Variants in ATRNL1 observed in about 807,000 individuals in gnomAD.
The protein encoded by ATRNL1 is attractin like 1.
ATRNL1 carries 95 observed loss-of-function variants against 182.7 expected under a neutral mutation model. That is an observed-to-expected ratio of 0.52 (90% CI 0.44 to 0.62). ATRNL1 has a LOEUF of 0.62. Among genes scored for constraint, ATRNL1 ranks in the 20% least tolerant of loss-of-function variants. ATRNL1 has a pLI of 0.00. For synonymous variants in ATRNL1, 576 were observed against 568.3 expected (o/e 1.01, Z -0.19); for missense variants, 1,471 against 1,679.5 (o/e 0.88, Z 2.17).
At chr10:115,133,894 C>G (rs1845382232) in intron 5 of ATRNL1, among the ~76,000 whole-genome samples, 1 of 152,234 alleles carries the variant, frequency 6.6e-6, no homozygotes, top group Middle Eastern at 3.4e-3. Flanking sequence ...TTAAGAAACT[C>G]ACTCAAAACT....
intron 1 of ATRNL1, among the ~76,000 whole-genome samples, chr10:115,113,691 C>T (rs898186482): frequency 6.6e-5 from 10 of 152,150 alleles, no homozygotes; most frequent in Middle Eastern, 3.2e-3. Flanking sequence ...TCCCCAGCCA[C>T]GTGGAACTGT....
chr10:115,920,498 T>G (rs1428050590), intron 28 of ATRNL1, among the ~76,000 whole-genome samples: 4 of 152,170 alleles, frequency 2.6e-5, no homozygotes, highest in Non-Finnish European at 4.4e-5. Flanking sequence ...CAGGGAATAA[T>G]ATAATTGTTT....
At chr10:115,785,061 C>T (rs1351145139) in intron 27 of ATRNL1, among the ~76,000 whole-genome samples, 1 of 152,112 alleles carries the variant, frequency 6.6e-6, no homozygotes, top group Non-Finnish European at 1.5e-5. Flanking sequence ...TCAAAAAGTC[C>T]CAAATCTCAT....
intron 26 of ATRNL1, among the ~76,000 whole-genome samples, chr10:115,616,578 A>G (rs1857439720): frequency 6.6e-6 from 1 of 152,202 alleles, no homozygotes. Context: ...TCACAAGCCC[A>G]GAGGCCTAAG....
At chr10:115,612,769 A>G (rs1329918431) in intron 26 of ATRNL1, among the ~76,000 whole-genome samples, 1 of 152,182 alleles carries the variant, frequency 6.6e-6, no homozygotes, top group African/African-American at 2.4e-5. Context: ...TATCATAGGC[A>G]TGTGCGCATG....
chr10:115,704,837 T>C (rs1946847751), intron 26 of ATRNL1, among the ~76,000 whole-genome samples: 1 of 151,916 alleles, frequency 6.6e-6, no homozygotes, highest in South Asian at 2.1e-4. Context: ...TTATAGTCTT[T>C]CTGCTTATTA....
At chr10:115,795,599 G>T (rs1949634375) in intron 27 of ATRNL1, among the ~76,000 whole-genome samples, 1 of 152,098 alleles carries the variant, frequency 6.6e-6, no homozygotes, top group African/African-American at 2.4e-5. Flanking sequence ...TTCTGCTTCT[G>T]GGGAGACCTC....
chr10:115,446,745 C>T (rs1380714376), intron 21 of ATRNL1, among the ~76,000 whole-genome samples: 1 of 151,976 alleles, frequency 6.6e-6, no homozygotes, highest in African/African-American at 2.4e-5. Flanking sequence ...CTCTACGAAG[C>T]TCATACAAAA....
chr10:115,242,006 A>G (rs190305304), intron 10 of ATRNL1, among the ~76,000 whole-genome samples: 14 of 152,144 alleles, frequency 9.2e-5, no homozygotes, highest in Middle Eastern at 3.4e-3. Context: ...TGTGAACACT[A>G]TATCAGTTTA....
chr10:115,139,015 A>G (rs1488241253), intron 5 of ATRNL1, among the ~76,000 whole-genome samples: 1 of 152,196 alleles, frequency 6.6e-6, no homozygotes, highest in Non-Finnish European at 1.5e-5. Flanking sequence ...TCAAAGCTCC[A>G]CAAATCTCTA....
intron 27 of ATRNL1, among the ~76,000 whole-genome samples, chr10:115,794,084 A>T (rs1949593925): frequency 6.6e-6 from 1 of 152,208 alleles, no homozygotes; most frequent in African/African-American, 2.4e-5. Context: ...CAAACGGTTT[A>T]TGAGACAATC....
At chr10:115,580,747 A>G (rs1855020829) in intron 26 of ATRNL1, among the ~76,000 whole-genome samples, 2 of 151,764 alleles carry the variant, frequency 1.3e-5, no homozygotes, top group Non-Finnish European at 1.5e-5. Context: ...CATAAGTCCC[A>G]TAAAGCTGTC....
At chr10:115,437,558 T>A (rs1292093597) in intron 21 of ATRNL1, among the ~76,000 whole-genome samples, 2 of 151,982 alleles carry the variant, frequency 1.3e-5, no homozygotes, top group Non-Finnish European at 2.9e-5. Flanking sequence ...TACTAAACAA[T>A]TGTCTAAGTT....
At chr10:115,658,135 G>A (rs868950383) in intron 26 of ATRNL1, among the ~76,000 whole-genome samples, 11 of 111,234 alleles carry the variant, frequency 9.9e-5, no homozygotes, top group South Asian at 6.0e-4. Context: ...TCGCTCTGTC[G>A]CCCAGGCTGG....
At chr10:115,357,173 A>G (rs1449466657) in intron 19 of ATRNL1, among the ~76,000 whole-genome samples, 1 of 151,948 alleles carries the variant, frequency 6.6e-6, no homozygotes, top group Admixed American at 6.6e-5. Flanking sequence ...CAAGTGTTGT[A>G]GAATTCCTAC....
chr10:115,666,455 T>C (rs1371723732), intron 26 of ATRNL1, among the ~76,000 whole-genome samples: 3 of 152,190 alleles, frequency 2.0e-5, no homozygotes, highest in African/African-American at 7.2e-5. Flanking sequence ...GCTATATTTC[T>C]GCAATTCTAC....
chr10:115,725,047 C>G (rs1947551238), intron 26 of ATRNL1, among the ~76,000 whole-genome samples: 1 of 152,096 alleles, frequency 6.6e-6, no homozygotes, highest in South Asian at 2.1e-4. Context: ...TTATTTGTAA[C>G]TTTACTGACA....
chr10:115,640,429 C>A (rs1859164322), intron 26 of ATRNL1, among the ~76,000 whole-genome samples: 1 of 152,184 alleles, frequency 6.6e-6, no homozygotes, highest in South Asian at 2.1e-4. Context: ...CACATCCTTG[C>A]CAGCCTCTGT....
At chr10:115,713,700 TCTATCATCTATC>T (rs1317786648) in intron 26 of ATRNL1, among the ~76,000 whole-genome samples, 299 of 130,626 alleles carry the variant, frequency 2.3e-3, no homozygotes, top group South Asian at 8.6e-3. Context: ...TATCTATCTA[TCTATCATCTATC>T]TATCTATCTA....
Sources: allele counts gnomAD v4.1 joint callset (sites outside exome capture counted in the v4.1 genomes callset), GRCh38; gene constraint gnomAD v4.1.1; transcripts MANE v1.5; gene names NCBI Gene and HGNC (gene_info 2026-07-23, HGNC 2026-07-21).